The following JAK1 variants were observed in gnomAD, a reference collection of about 807,000 sequenced individuals.
JAK1 encodes tyrosine-protein kinase JAK1.
A neutral mutation model predicts 136.6 loss-of-function variants in JAK1; 16 were observed. The ratio of observed to expected loss-of-function variants is 0.12; its 90% confidence interval spans 0.08 to 0.18. The LOEUF (loss-of-function observed/expected upper bound fraction) is 0.18. Ranked by LOEUF, JAK1 falls within the 10% of genes least tolerant of loss-of-function variation. JAK1 has a pLI of 1.00. For synonymous variants in JAK1, 492 were observed against 519.5 expected (o/e 0.95, Z 0.72); for missense variants, 859 against 1,450.1 (o/e 0.59, Z 6.62).
intron 2 of JAK1, among the ~76,000 whole-genome samples, chr1:65,027,694 G>A (rs1557764499): frequency 6.6e-6 from 1 of 152,166 alleles, no homozygotes; most frequent in Non-Finnish European, 1.5e-5. Flanking sequence ...TCAGACTGTG[G>A]TGCAGCTCTG....
At chr1:65,009,922 C>G (rs1440793094) in intron 2 of JAK1, among the ~76,000 whole-genome samples, 5 of 152,178 alleles carry the variant, frequency 3.3e-5, no homozygotes, top group Non-Finnish European at 7.3e-5. Context: ...CCTACTGTCC[C>G]CCATGTCACA....
chr1:65,036,996 G>A (rs1481889581), intron 2 of JAK1, among the ~76,000 whole-genome samples: 1 of 152,200 alleles, frequency 6.6e-6, no homozygotes, highest in African/African-American at 2.4e-5. Flanking sequence ...AGACAGCCTG[G>A]TTAACATTGC....
chr1:64,965,876 T>C (rs1430228541), intron 1 of JAK1, among the ~76,000 whole-genome samples: 1 of 151,922 alleles, frequency 6.6e-6, no homozygotes, highest in African/African-American at 2.4e-5. Flanking sequence ...TCAGCCTCCT[T>C]CCTGGGGCCG....
At chr1:65,047,235 T>C (rs903367833) in intron 1 of JAK1, among the ~76,000 whole-genome samples, 2 of 152,168 alleles carry the variant, frequency 1.3e-5, no homozygotes, top group East Asian at 3.9e-4. Flanking sequence ...GAAGCTACTG[T>C]TACCATGAAT....
intron 4 of JAK1, among the ~76,000 whole-genome samples, chr1:64,878,132 T>C (rs1398730974): frequency 6.6e-6 from 1 of 152,222 alleles, no homozygotes; most frequent in Non-Finnish European, 1.5e-5. Context: ...TCTGAGCTTA[T>C]CTACTGTTTT....
chr1:64,975,899 C>T (rs1248777261), intron 2 of JAK1, among the ~76,000 whole-genome samples: 1 of 152,194 alleles, frequency 6.6e-6, no homozygotes, highest in African/African-American at 2.4e-5. Flanking sequence ...TCCTGCTGGT[C>T]CCTGGAGACA....
Position 64,929,114 on chromosome 1 carries a change from C to T in JAK1, c.-78+37219G>A, listed in dbSNP as rs1038452648. ...CAAGCAAGTATACTGCTATAGCACA[C>T]CTGCAGTATGTTCAGTTAAATGCCA... On this transcript the variant is annotated intron_variant, in intron 1 of 24. Coordinates refer to ENST00000342505, the MANE Select transcript of JAK1 (RefSeq NM_002227.4). Among the ~76,000 whole-genome samples the T allele has an allele frequency of 2.0e-5, 3 of 152,290 alleles. No individual in the cohort carries two copies. In the South Asian group the frequency reaches 6.2e-4, roughly 32 times the overall value.
chr1:64,916,653 C>A (rs1445449712), intron 1 of JAK1, among the ~76,000 whole-genome samples: 3 of 151,988 alleles, frequency 2.0e-5, no homozygotes, highest in African/African-American at 7.3e-5. Flanking sequence ...CCCTGACCAA[C>A]ATAGTGAAAC....
intron 1 of JAK1, among the ~76,000 whole-genome samples, chr1:64,921,087 A>G (rs1490921185): frequency 6.6e-6 from 1 of 152,214 alleles, no homozygotes; most frequent in African/African-American, 2.4e-5. Context: ...CATTTCTATT[A>G]TAATTCCATT....
At position 64,897,174 on chromosome 1, in the gene JAK1, A is replaced by G. The variant is rs575835263; in HGVS notation, c.-77-10833T>C. 7.2e-5 allele frequency among the ~76,000 whole-genome samples: 11 copies of G among 151,970 alleles called. No individual in the cohort carries two copies. In the South Asian group the frequency reaches 2.1e-3, roughly 29 times the overall value. ...GTTGGGCACGATGGCTCACGCCTGCAATCTCAGCCCTTTGGAAGGCCGAGG... is the reference window on the plus strand; with the variant it reads ...GTTGGGCACGATGGCTCACGCCTGCGATCTCAGCCCTTTGGAAGGCCGAGG... On this transcript the variant is annotated intron_variant, in intron 1 of 24. Transcript: ENST00000342505.
At chr1:64,946,151 G>A (rs1645982348) in intron 1 of JAK1, among the ~76,000 whole-genome samples, 1 of 152,188 alleles carries the variant, frequency 6.6e-6, no homozygotes, top group African/African-American at 2.4e-5. Context: ...AGAAAGCCTT[G>A]TTAAGAGGGA....
chr1:64,913,783 A>C (rs1645343051), intron 1 of JAK1, among the ~76,000 whole-genome samples: 1 of 151,798 alleles, frequency 6.6e-6, no homozygotes, highest in Non-Finnish European at 1.5e-5. Flanking sequence ...CTAACTCCAT[A>C]TAAGGGTGGA....
At chr1:64,968,170 T>G (rs1187041801), upstream of JAK1, among the ~76,000 whole-genome samples, 1 of 152,082 alleles carries the variant, frequency 6.6e-6, no homozygotes, top group Non-Finnish European at 1.5e-5. Context: ...AAGGCAGCAG[T>G]GAACCCATTG....
At chr1:64,975,434 C>T (rs566262721) in intron 2 of JAK1, among the ~76,000 whole-genome samples, 9 of 152,330 alleles carry the variant, frequency 5.9e-5, no homozygotes, top group Non-Finnish European at 1.5e-5. Context: ...ATTTCACACA[C>T]TGGACTGCAC....
At chr1:64,888,875 C>A (rs1450115160) in intron 1 of JAK1, among the ~76,000 whole-genome samples, 1 of 152,194 alleles carries the variant, frequency 6.6e-6, no homozygotes, top group African/African-American at 2.4e-5. Flanking sequence ...ACAACAAAAT[C>A]TCTACTCTCA....
rs116454258 is a variant in JAK1, at chr1:65,054,616, A to G, written c.-180-10034T>C. Among the ~76,000 whole-genome samples, 1,037 of 152,288 alleles carry G rather than the reference A, an allele frequency of 6.8e-3. 5 individuals carry two copies. Among genetic ancestry groups the G allele is most frequent in the African/African-American group, 0.024 (1,003 of 41,558 alleles). On this transcript the variant is annotated intron_variant, in intron 1 of 25. Coordinates refer to the JAK1 transcript ENST00000671954. ...TCCAAAGAATTTCAGGAGTGGTAGC[A>G]TAACTCCAAAGACGTGGGCAGTTGA...
At chr1:64,988,250 A>G (rs778967839) in intron 2 of JAK1, among the ~76,000 whole-genome samples, 12 of 152,206 alleles carry the variant, frequency 7.9e-5, no homozygotes, top group Non-Finnish European at 1.2e-4. Context: ...CTGATTTTAC[A>G]ATAAATGATC....
rs201571086 is a variant in JAK1 at position 64,982,124 on chromosome 1, GCA to G, written c.-78+62354_-78+62355del. Among the ~76,000 whole-genome samples, 79 of 113,126 alleles carry G rather than the reference GCA, an allele frequency of 7.0e-4. 2 individuals are homozygous for G. Among genetic ancestry groups the G allele is most frequent in the Non-Finnish European group, 2.6e-4 (14 of 53,996 alleles). 74.2% of individuals were successfully genotyped at this position (113,126 alleles called of 152,430 possible). ...CACGCACACACACACGCACACACAC[GCA>G]CACACACACACATACAACCAGGGAA... On this transcript the variant is annotated intron_variant, in intron 2 of 25. Coordinates refer to the JAK1 transcript ENST00000671954.
At chr1:64,947,620 T>A (rs1057504213) in intron 1 of JAK1, among the ~76,000 whole-genome samples, 85 of 73,972 alleles carry the variant, frequency 1.1e-3, no homozygotes, top group African/African-American at 2.5e-3. Flanking sequence ...GGCCAATAAA[T>A]CCTTTTTTTT....
Sources: gnomAD v4.1 joint callset for allele counts (sites outside exome capture counted in the v4.1 genomes callset) on GRCh38, gnomAD v4.1.1 for gene constraint, MANE v1.5 for transcripts, NCBI Gene and HGNC (gene_info 2026-07-23, HGNC 2026-07-21) for gene names.